Variants in NPR1 observed in about 807,000 individuals in gnomAD.
NPR1 encodes the protein natriuretic peptide receptor 1, also known as atrial natriuretic peptide receptor 1.
A neutral mutation model predicts 116.9 loss-of-function variants in NPR1; 57 were observed. That is an observed-to-expected ratio of 0.49 (90% CI 0.39 to 0.61). The LOEUF is 0.61. Ranked by LOEUF, NPR1 falls within the 20% of genes least tolerant of loss-of-function variation. NPR1 has a pLI of 0.00. For synonymous variants in NPR1, 555 were observed against 601.6 expected (o/e 0.92, Z 1.13); for missense variants, 1,096 against 1,409.8 (o/e 0.78, Z 3.56).
At chr1:153,681,425 G>A (rs1669777916) in intron 3 of NPR1, 132 bp downstream of exon 3, 28 of 668,100 alleles carry the variant, frequency 4.2e-5, no homozygotes, top group South Asian at 3.3e-4. Context: ...CATGTTTCTC[G>A]TGATGATGGA....
At chr1:153,684,929 C>A (rs1454925237) in intron 7 of NPR1, 35 bp from the exon 8 acceptor site, 1 of 1,611,554 alleles carries the variant, frequency 6.2e-7, no homozygotes, top group Middle Eastern at 1.7e-4. Flanking sequence ...GTCAGCGGCT[C>A]AGCCACAGGC....
chr1:153,691,022 G>C (rs1156345244), intron 20 of NPR1, among the ~76,000 whole-genome samples: 1 of 148,840 alleles, frequency 6.7e-6, no homozygotes, highest in Non-Finnish European at 1.5e-5. Context: ...GCCAGCATAA[G>C]TGAGGCTGTG....
rs935238704 is a variant in NPR1 at position 153,679,067 on chromosome 1, C to T, written c.-42C>T. On this transcript the variant is annotated 5_prime_UTR_variant, in exon 1 of 22. Coordinates refer to ENST00000368680, the MANE Select transcript of NPR1 (RefSeq NM_000906.4). The surrounding 1 kb of genome is among the most constrained non-coding windows in gnomAD (Gnocchi z 4.2). ...GCTGAGCCCAAGGGGACCGAGGAGG[C>T]CATGGTAGGAGCGCTCGCCTGCTGC... The T allele has an allele frequency of 1.4e-6, 2 of 1,395,368 alleles. No individual in the cohort carries two copies. Among genetic ancestry groups the T allele is most frequent in the African/African-American group, 3.1e-5 (2 of 65,386 alleles). The allele number at this position is 1,395,368 out of a possible 1,614,324, so 86.4% of individuals were successfully genotyped here. A position where few individuals can be genotyped will look rare whatever the true frequency, so the allele number is the denominator to read the frequency against.
At position 153,680,481 on chromosome 1, in the gene NPR1, G is replaced by T; in HGVS notation, c.722-20G>T. 6.2e-7 allele frequency: 1 copy of T among 1,612,942 alleles called. No individual in the cohort carries two copies. The highest frequency in any genetic ancestry group is 1.1e-5 in the South Asian group (1 of 91,042). On this transcript the variant is annotated intron_variant, in intron 1 of 21. Coordinates refer to ENST00000368680, the MANE Select transcript of NPR1 (RefSeq NM_000906.4). The stretch of plus-strand genomic sequence containing the variant: ...CCGCAGTACCTAGGCTTCTCTCTCT[G>T]ACTCTCCGTCTTTCTCCAGTTATCT...
intron 5 of NPR1, 144 bp from the exon 6 acceptor site, chr1:153,683,231 TG>T: frequency 1.2e-6 from 1 of 845,318 alleles, no homozygotes; most frequent in Non-Finnish European, 1.8e-6. Context: ...CCAGTTGCAG[TG>T]GGGACTTGGT....
At chr1:153,688,547 C>G (rs1669999429) in intron 15 of NPR1, among the ~76,000 whole-genome samples, 1 of 152,138 alleles carries the variant, frequency 6.6e-6, no homozygotes, top group African/African-American at 2.4e-5. Flanking sequence ...CCTGTAGGCT[C>G]TTGGCCCTCC....
At chr1:153,691,903 G>A (rs1039165710) in intron 20 of NPR1, among the ~76,000 whole-genome samples, 4 of 151,250 alleles carry the variant, frequency 2.6e-5, no homozygotes, top group Non-Finnish European at 5.9e-5. Context: ...AAAAAAGAGA[G>A]AAAGAAAGAA....
chr1:153,685,695 G>T, intron 8 of NPR1, 111 bp from the exon 9 acceptor site: 1 of 821,584 alleles, frequency 1.2e-6, no homozygotes, highest in South Asian at 1.6e-5. Context: ...AAGGAAGGGT[G>T]ACACAAAGAT....
At chr1:153,682,658 A>G in intron 5 of NPR1, 69 bp downstream of exon 5, 2 of 1,164,060 alleles carry the variant, frequency 1.7e-6, no homozygotes, top group Non-Finnish European at 2.6e-6. Context: ...TCCCCCCCAC[A>G]GCCCTGCCAG....
At position 153,679,736 on chromosome 1, in the gene NPR1, C is replaced by G; in HGVS notation, c.628C>G (p.Arg210Gly). 1 of 1,601,874 alleles carries G rather than the reference C, an allele frequency of 6.2e-7. No individual in the cohort carries two copies. Among genetic ancestry groups the G allele is most frequent in the Non-Finnish European group, 8.5e-7 (1 of 1,176,908 alleles). ...GGGGCTGTTCATGCGGGTCCGCGAC[C>G]GCCTCAATATTACGGTGGACCACCT... ...VEGLFMRVRD[R>G]LNITVDHLEF... The change falls in exon 1 of 22, where the codon CGC (arginine) becomes GGC (glycine). Residue 210 changes from arginine (R) to glycine (G), a missense_variant. Physicochemically the swap from Arg to Gly is moderately radical, Grantham distance 125. Coordinates refer to ENST00000368680, the MANE Select transcript of NPR1 (RefSeq NM_000906.4). The surrounding 1 kb of genome is among the most constrained non-coding windows in gnomAD (Gnocchi z 4.2).
At position 153,679,318 on chromosome 1, in the gene NPR1, C is replaced by G. The variant is rs1335030658; in HGVS notation, c.210C>G (p.Pro70=). ...ELALAQVKAR[P]DLLPGWTVRT... is the part of the protein sequence containing the mutation. ...CCCTGGCCCAGGTGAAGGCGCGCCC[C>G]GACTTGCTGCCGGGCTGGACGGTCC... Residue 70 remains proline (P), a synonymous_variant, in exon 1 of 22, where the codon CCC becomes CCG. Transcript: ENST00000368680. The surrounding 1 kb of genome is among the most constrained non-coding windows in gnomAD (Gnocchi z 4.2). 4 of 1,533,104 alleles carry G rather than the reference C, an allele frequency of 2.6e-6. No individual in the cohort carries two copies. Among genetic ancestry groups the G allele is most frequent in the Non-Finnish European group, 3.5e-6 (4 of 1,145,890 alleles). 95.0% of individuals were successfully genotyped at this position (1,533,104 alleles called of 1,614,324 possible).
At chr1:153,691,438 T>A (rs962577742) in intron 20 of NPR1, among the ~76,000 whole-genome samples, 3 of 152,160 alleles carry the variant, frequency 2.0e-5, no homozygotes, top group African/African-American at 7.2e-5. Context: ...GCTGAGAAAT[T>A]CATGTGGACC....
Position 153,681,277 on chromosome 1 carries a change from C to G in NPR1, c.1019C>G (p.Thr340Ser), listed in dbSNP as rs950573358. 6.2e-7 allele frequency: 1 copy of G among 1,608,194 alleles called. No homozygotes were observed. The highest frequency in any genetic ancestry group is 8.5e-7 in the Non-Finnish European group (1 of 1,174,858). Residue 340 changes from threonine (T) to serine (S), a missense_variant, in exon 3 of 22, where the codon ACC becomes AGC. Transcript: ENST00000368680. ...KHLAYEQFNF[T>S]MEDGLVNTIP... The stretch of plus-strand genomic sequence containing the variant: ...CTGGCCTATGAGCAGTTCAACTTCA[C>G]CATGGAGGATGGCCTGGTAAGAAGG...
chr1:153,680,183 C>T (rs1486040748), intron 1 of NPR1, among the ~76,000 whole-genome samples: 1 of 148,912 alleles, frequency 6.7e-6, no homozygotes, highest in Non-Finnish European at 1.5e-5. Flanking sequence ...CTCTCTTCTC[C>T]CCCTCCCTCT....
Position 153,689,798 on chromosome 1 carries a change from TC to T in NPR1, c.2758-5del. On this transcript the variant is annotated splice_region_variant and splice_polypyrimidine_tract_variant and intron_variant, in intron 18 of 21. Transcript: ENST00000368680. This position sits in a 1 kb window ranked among gnomAD's most constrained non-coding sequence, Gnocchi z 5.1. Reference sequence around the variant, plus strand: ...GTCAAGTCCTGCACCCCCTCGCCACTCCCACAGGTGGAGACAATTGGCGATG... The same window carrying T: ...GTCAAGTCCTGCACCCCCTCGCCACTCCACAGGTGGAGACAATTGGCGATG... The T allele has an allele frequency of 6.5e-7, 1 of 1,539,346 alleles. No homozygotes were observed. The highest frequency in any genetic ancestry group is 8.8e-7 in the Non-Finnish European group (1 of 1,136,158).
At chr1:153,685,951 G>C in intron 9 of NPR1, 71 bp downstream of exon 9, 1 of 1,486,300 alleles carries the variant, frequency 6.7e-7, no homozygotes, top group East Asian at 2.3e-5. Flanking sequence ...GACTGGTGGG[G>C]GGTTCTGAGG....
At chr1:153,686,608 GGT>G (rs1669935589) in intron 10 of NPR1, 36 bp from the exon 11 acceptor site, 1 of 1,555,170 alleles carries the variant, frequency 6.4e-7, no homozygotes, top group South Asian at 1.1e-5. Flanking sequence ...TGAGGAGCGA[GGT>G]CTCTGTCAAG....
In NPR1 at chr1:153,679,551, T is replaced by G; in HGVS notation, c.443T>G (p.Val148Gly). ...GGCGCCCCGGCGCTGGGCTTCGGTG[T>G]CAAGGACGAGTATGCGCTGACCACC... ...TAGAPALGFG[V>G]KDEYALTTRA... The change falls in exon 1 of 22, where the codon GTC (valine) becomes GGC (glycine). Residue 148 changes from valine (V) to glycine (G), a missense_variant. By Grantham distance (109) the Val-to-Gly change is moderately radical (BLOSUM62 -3). Transcript: ENST00000368680. This position sits in a 1 kb window ranked among gnomAD's most constrained non-coding sequence, Gnocchi z 4.2. The G allele has an allele frequency of 6.5e-7, 1 of 1,547,902 alleles. No homozygotes were observed. Among genetic ancestry groups the G allele is most frequent in the African/African-American group, 1.4e-5 (1 of 73,402 alleles).
At chr1:153,685,324 A>G (rs892049849) in intron 8 of NPR1, among the ~76,000 whole-genome samples, 4 of 143,824 alleles carry the variant, frequency 2.8e-5, no homozygotes, top group African/African-American at 1.0e-4. Flanking sequence ...AAAACACTTT[A>G]AAAAAAAAAA....
Sources: allele counts gnomAD v4.1 joint callset (sites outside exome capture counted in the v4.1 genomes callset), GRCh38; gene constraint gnomAD v4.1.1; non-coding constraint Gnocchi (gnomAD v3.1); transcripts MANE v1.5; gene names NCBI Gene and HGNC (gene_info 2026-07-23, HGNC 2026-07-21).